The following OR6N1 variants were observed in gnomAD, a reference collection of about 807,000 sequenced individuals.
OR6N1 encodes the protein olfactory receptor 6N1.
For synonymous variants in OR6N1, 170 were observed against 150.7 expected (o/e 1.13, Z -0.94); for missense variants, 394 against 371.7 (o/e 1.06, Z -0.49).
the OR6N1 span, among the ~76,000 whole-genome samples, chr1:158,816,700 A>C: frequency 6.6e-6 from 1 of 152,182 alleles, no homozygotes; most frequent in Non-Finnish European, 1.5e-5. Flanking sequence ...AAAAACAAAA[A>C]CAAACAAACA....
the OR6N1 span, among the ~76,000 whole-genome samples, chr1:158,795,274 C>T: frequency 6.6e-6 from 1 of 152,162 alleles, no homozygotes; most frequent in South Asian, 2.1e-4. Context: ...TAGCTGAGTT[C>T]CAGGCAGCCT....
In OR6N1 at chr1:158,766,570, G is replaced by A. The variant is rs1309040072; in HGVS notation, c.113C>T (p.Thr38Ile). 5.0e-6 allele frequency: 8 copies of A among 1,613,914 alleles called. No homozygotes were observed. The highest frequency in any genetic ancestry group is 6.8e-6 in the Non-Finnish European group (8 of 1,179,990). ...FLLLLLIYLMTVLGNLLIFLV... is the reference protein window; with the variant it reads ...FLLLLLIYLMIVLGNLLIFLV... The stretch of plus-strand genomic sequence containing the variant: ...GAATATCAGCAGGTTTCCCAACACA[G>A]TCATGAGGTAAATGAGAAGCAACAA... The change falls in exon 2 of 2, where the codon ACT becomes ATT. Residue 38 changes from threonine to isoleucine, a missense_variant. Physicochemically the swap from Thr to Ile is moderately conservative, Grantham distance 89. Coordinates refer to ENST00000641846, the MANE Select transcript of OR6N1 (RefSeq NM_001005185.2).
At chr1:158,836,671 A>G in the OR6N1 span, among the ~76,000 whole-genome samples, 1 of 151,694 alleles carries the variant, frequency 6.6e-6, no homozygotes, top group Admixed American at 6.6e-5. Flanking sequence ...TCAGAAAACC[A>G]ACTCTTTTTT....
chr1:158,780,163 C>T, the OR6N1 span, among the ~76,000 whole-genome samples: 1 of 152,178 alleles, frequency 6.6e-6, no homozygotes, highest in Admixed American at 6.5e-5. Flanking sequence ...GTTGAAAGAC[C>T]TATCATTGTT....
the OR6N1 span, among the ~76,000 whole-genome samples, chr1:158,839,475 G>A: frequency 2.0e-5 from 3 of 152,264 alleles, no homozygotes; most frequent in African/African-American, 7.2e-5. Flanking sequence ...GCTCTCACAA[G>A]CTGGAGCACC....
the OR6N1 span, among the ~76,000 whole-genome samples, chr1:158,782,390 A>G: frequency 6.6e-6 from 1 of 152,154 alleles, no homozygotes; most frequent in Non-Finnish European, 1.5e-5. Flanking sequence ...TAAACTGAAC[A>G]TATTTGGGTT....
chr1:158,810,114 C>T, the OR6N1 span, among the ~76,000 whole-genome samples: 6 of 152,160 alleles, frequency 3.9e-5, no homozygotes, highest in African/African-American at 1.2e-4. Flanking sequence ...GCATTTGTTT[C>T]CTAAGACTCT....
At chr1:158,806,113 A>G in the OR6N1 span, among the ~76,000 whole-genome samples, 1 of 152,200 alleles carries the variant, frequency 6.6e-6, no homozygotes, top group Non-Finnish European at 1.5e-5. Context: ...TTGGGCCCAT[A>G]ATAGTTCCTG....
chr1:158,787,635 T>TCTCACACACACACACACACA, the OR6N1 span, among the ~76,000 whole-genome samples: 1 of 134,206 alleles, frequency 7.5e-6, no homozygotes, highest in African/African-American at 3.0e-5. Flanking sequence ...TCTCTCTCTC[T>TCTCACACACACACACACACA]CACACACACA....
At chr1:158,776,900 C>A (rs760719986), upstream of OR6N1, 7 of 1,614,084 alleles carry the variant, frequency 4.3e-6, no homozygotes, top group Non-Finnish European at 5.1e-6. Context: ...AGGACCACAG[C>A]AAGATGTGAG....
At chr1:158,814,029 G>T in the OR6N1 span, among the ~76,000 whole-genome samples, 1 of 152,016 alleles carries the variant, frequency 6.6e-6, no homozygotes, top group Non-Finnish European at 1.5e-5. Flanking sequence ...ACAAATACAT[G>T]AATTTTAAGA....
At chr1:158,833,423 T>C in the OR6N1 span, among the ~76,000 whole-genome samples, 1 of 152,214 alleles carries the variant, frequency 6.6e-6, no homozygotes, top group South Asian at 2.1e-4. Flanking sequence ...GCAACCAACC[T>C]CCAGAACGCC....
At chr1:158,776,362 T>G, upstream of OR6N1, 1 of 196,712 alleles carries the variant, frequency 5.1e-6, no homozygotes, top group Non-Finnish European at 1.0e-5. Flanking sequence ...GAAGAGGAAA[T>G]ATGGTGTGTT....
Position 158,765,105 on chromosome 1 carries a change from A to G in OR6N1, c.*639T>C, listed in dbSNP as rs978232527. The G allele has an allele frequency of 6.6e-6, 1 of 152,188 alleles. No individual in the cohort carries two copies. The highest frequency in any genetic ancestry group is 1.5e-5 in the Non-Finnish European group (1 of 68,022). 9.4% of individuals were successfully genotyped at this position (152,188 alleles called of 1,614,324 possible). ...TCCTTATTTATTTACTATCACCTAC[A>G]TGTCAGACACTGTGCACTGTGGTTT... is the stretch of plus-strand genomic sequence containing the variant. On this transcript the variant is annotated 3_prime_UTR_variant, in exon 2 of 2. Coordinates refer to ENST00000641846, the MANE Select transcript of OR6N1 (RefSeq NM_001005185.2).
the OR6N1 span, among the ~76,000 whole-genome samples, chr1:158,789,934 C>T: frequency 6.6e-6 from 1 of 152,122 alleles, no homozygotes; most frequent in Non-Finnish European, 1.5e-5. Flanking sequence ...TGAAGTATTT[C>T]TCCAATGTTT....
the OR6N1 span, among the ~76,000 whole-genome samples, chr1:158,821,592 C>T: frequency 6.6e-6 from 1 of 151,950 alleles, no homozygotes; most frequent in African/African-American, 2.4e-5. Flanking sequence ...AAGGTTTCTC[C>T]ATATCTTCTT....
At chr1:158,822,699 T>C in the OR6N1 span, among the ~76,000 whole-genome samples, 1 of 152,230 alleles carries the variant, frequency 6.6e-6, no homozygotes, top group Non-Finnish European at 1.5e-5. Context: ...ATGCCCTTTA[T>C]TAGTTTCTCT....
chr1:158,831,947 A>G, the OR6N1 span, among the ~76,000 whole-genome samples: 14 of 152,196 alleles, frequency 9.2e-5, no homozygotes, highest in African/African-American at 3.4e-4. Context: ...AAAATAAACC[A>G]GGATATAAAT....
In OR6N1 at chr1:158,765,466, A is replaced by T. The variant is rs1657224715; in HGVS notation, c.*278T>A. 4 of 303,162 alleles carry T rather than the reference A, an allele frequency of 1.3e-5. No individual in the cohort carries two copies. The highest frequency in any genetic ancestry group is 4.5e-5 in the Admixed American group (1 of 22,008). The allele number at this position is 303,162 out of a possible 1,614,324, so 18.8% of individuals were successfully genotyped here. The stretch of plus-strand genomic sequence containing the variant: ...AGGTAAGACACAGATTTTAAAAAAA[A>T]CCTAAGTGTGATACATAAACATCTG... On this transcript the variant is annotated 3_prime_UTR_variant, in exon 2 of 2. Coordinates refer to ENST00000641846, the MANE Select transcript of OR6N1 (RefSeq NM_001005185.2).
Sources: gnomAD v4.1 joint callset for allele counts (sites outside exome capture counted in the v4.1 genomes callset) on GRCh38, gnomAD v4.1.1 for gene constraint, MANE v1.5 for transcripts, NCBI Gene and HGNC (gene_info 2026-07-23, HGNC 2026-07-21) for gene names.